The following RASGRP3 variants were observed in gnomAD, a reference collection of about 807,000 sequenced individuals.
RASGRP3 encodes the protein ras guanyl-releasing protein 3.
RASGRP3 carries 54 observed loss-of-function variants against 82.7 expected under a neutral mutation model. That is an observed-to-expected ratio of 0.65 (90% CI 0.52 to 0.82). RASGRP3 has a LOEUF of 0.82. Ranked by LOEUF, RASGRP3 falls within the 40% of genes least tolerant of loss-of-function variation. The pLI is 0.00. For synonymous variants in RASGRP3, 309 were observed against 300.5 expected, an observed-to-expected ratio of 1.03 and a Z score of -0.29; for missense variants, 861 against 828.9, an observed-to-expected ratio of 1.04 and a Z score of -0.48.
chr2:33,546,677 T>C (rs1674793212), intron 13 of RASGRP3, among the ~76,000 whole-genome samples: 1 of 152,166 alleles, frequency 6.6e-6, no homozygotes, highest in African/African-American at 2.4e-5. Flanking sequence ...ACTATTCAAA[T>C]ATCAAAGTCA....
Position 33,558,652 on chromosome 2 carries a change from C to A in RASGRP3, c.1706-20C>A. The A allele has an allele frequency of 6.4e-7, 1 of 1,560,822 alleles. No individual in the cohort carries two copies. The highest frequency in any genetic ancestry group is 8.7e-7 in the Non-Finnish European group (1 of 1,151,194). On this transcript the variant is annotated intron_variant, in intron 16 of 17. Transcript: ENST00000403687. ...CAAGCAGTCAGATGTCAAATAATCA[C>A]CACCCTTTTTCACTTCCAGCGCAGG...
At position 33,541,227 on chromosome 2, in the gene RASGRP3, C is replaced by T. The variant is rs141161059; in HGVS notation, c.1278+2017C>T. ...AATCATCAAAAATATTAAAGCATTA[C>T]ATAAATTATAGAAAATAAAAAGCTT... On this transcript the variant is annotated intron_variant, in intron 12 of 17. Transcript: ENST00000403687. Among the ~76,000 whole-genome samples the T allele has an allele frequency of 4.5e-4, 66 of 147,112 alleles. 1 individual carries two copies. The highest frequency in any genetic ancestry group is 1.5e-3 in the African/African-American group (63 of 41,244).
chr2:33,474,461 C>G (rs937978341), upstream of RASGRP3, among the ~76,000 whole-genome samples: 2 of 152,158 alleles, frequency 1.3e-5, no homozygotes, highest in African/African-American at 2.4e-5. Flanking sequence ...CACCACCACG[C>G]CCGGCTAATT....
At chr2:33,505,637 A>C (rs1265330033) in intron 1 of RASGRP3, among the ~76,000 whole-genome samples, 2 of 152,214 alleles carry the variant, frequency 1.3e-5, no homozygotes, top group Non-Finnish European at 2.9e-5. Flanking sequence ...TTGAGAGAAG[A>C]AAATATTGAT....
intron 11 of RASGRP3, 91 bp downstream of exon 11, chr2:33,534,491 A>G (rs2151055089): frequency 1.2e-6 from 1 of 852,650 alleles, no homozygotes; most frequent in East Asian, 2.7e-5. Flanking sequence ...TTTATGTTCT[A>G]AAACGGAAGA....
chr2:33,447,487 G>A (rs1665565899), intron 1 of RASGRP3, among the ~76,000 whole-genome samples: 1 of 151,562 alleles, frequency 6.6e-6, no homozygotes, highest in Non-Finnish European at 1.5e-5. Context: ...CCAGGCTGGA[G>A]TGCAGTGGTC....
intron 1 of RASGRP3, among the ~76,000 whole-genome samples, chr2:33,503,915 A>T (rs1027434986): frequency 5.9e-5 from 9 of 152,220 alleles, no homozygotes; most frequent in Non-Finnish European, 1.2e-4. Flanking sequence ...TAATAAAAAT[A>T]AAGCAGCATT....
intron 14 of RASGRP3, among the ~76,000 whole-genome samples, chr2:33,552,025 AC>A (rs869131765): frequency 2.7e-5 from 2 of 74,658 alleles, no homozygotes; most frequent in Non-Finnish European, 5.7e-5. Flanking sequence ...AAACAAACAA[AC>A]AGAGAAACAA....
At chr2:33,462,429 G>A (rs1230452471) in intron 2 of RASGRP3, among the ~76,000 whole-genome samples, 1 of 151,310 alleles carries the variant, frequency 6.6e-6, no homozygotes, top group Non-Finnish European at 1.5e-5. Context: ...GGCCAGGCTG[G>A]AGTACAGTGG....
At chr2:33,516,929 T>C (rs779648666) in intron 4 of RASGRP3, 10 of 258,342 alleles carry the variant, frequency 3.9e-5, no homozygotes, top group Admixed American at 1.1e-4. Flanking sequence ...ACATTTCTGT[T>C]ATTAGAACAA....
intron 1 of RASGRP3, among the ~76,000 whole-genome samples, chr2:33,447,383 A>G (rs549926729): frequency 1.4e-3 from 212 of 152,020 alleles, no homozygotes; most frequent in African/African-American, 4.7e-3. Flanking sequence ...AAGACAAAAC[A>G]TAGGGTAATT....
chr2:33,487,073 T>G (rs533625597), intron 1 of RASGRP3, among the ~76,000 whole-genome samples: 1 of 152,348 alleles, frequency 6.6e-6, no homozygotes, highest in South Asian at 2.1e-4. Flanking sequence ...CCTACCGATG[T>G]TCTCCCCTTC....
In RASGRP3 at chr2:33,539,115, C is replaced by T. The variant is rs1252072728; in HGVS notation, c.1183C>T (p.Pro395Ser). Residue 395 changes from proline to serine, a missense_variant, in exon 12 of 18, where the codon CCC becomes TCC. By Grantham distance (74) the Pro-to-Ser change is moderately conservative. Transcript: ENST00000403687. ...TCAGCAGCCTACCTCCCCTACGACGCCCAACAAGCCTGTGGTACCCCTGGA... is the reference window on the plus strand; with the variant it reads ...TCAGCAGCCTACCTCCCCTACGACGTCCAACAAGCCTGTGGTACCCCTGGA... ...SKSQPTSPTTPNKPVVPLEWA... is the reference protein window; with the variant it reads ...SKSQPTSPTTSNKPVVPLEWA... The T allele has an allele frequency of 5.0e-6, 8 of 1,609,430 alleles. No homozygotes were observed. The highest frequency in any genetic ancestry group is 6.8e-6 in the Non-Finnish European group (8 of 1,177,994).
chr2:33,467,148 C>T (rs191737027), intron 2 of RASGRP3, among the ~76,000 whole-genome samples: 1 of 152,196 alleles, frequency 6.6e-6, no homozygotes, highest in East Asian at 1.9e-4. Flanking sequence ...ACATGTTCCT[C>T]TTTTCTCCCA....
intron 1 of RASGRP3, among the ~76,000 whole-genome samples, chr2:33,508,823 C>CT (rs1456625271): frequency 1.3e-5 from 2 of 152,116 alleles, no homozygotes; most frequent in Non-Finnish European, 2.9e-5. Context: ...GTGTTCCTTG[C>CT]TTTTTGGGCT....
chr2:33,508,768 G>T (rs1670645803), intron 1 of RASGRP3, among the ~76,000 whole-genome samples: 1 of 152,122 alleles, frequency 6.6e-6, no homozygotes, highest in Admixed American at 6.5e-5. Context: ...TCTCCTGGAG[G>T]TATTTGTTTG....
Position 33,534,310 on chromosome 2 carries a change from A to T in RASGRP3, c.1084-13A>T, listed in dbSNP as rs773794557. The T allele has an allele frequency of 6.6e-7, 1 of 1,524,722 alleles. No individual in the cohort carries two copies. The highest frequency in any genetic ancestry group is 9.1e-7 in the Non-Finnish European group (1 of 1,102,354). The allele number at this position is 1,524,722 out of a possible 1,614,324, so 94.4% of individuals were successfully genotyped here. A position where few individuals can be genotyped will look rare whatever the true frequency, so the allele number is the denominator to read the frequency against. On this transcript the variant is annotated splice_polypyrimidine_tract_variant and intron_variant, in intron 10 of 17. Coordinates refer to ENST00000403687, the MANE Select transcript of RASGRP3 (RefSeq NM_001139488.2). ...GTAATCCGACATTTTTATCCCTTCTAATTTTGTTGTAGCTTTCCCTGGACC... is the reference window on the plus strand; with the variant it reads ...GTAATCCGACATTTTTATCCCTTCTTATTTTGTTGTAGCTTTCCCTGGACC...
chr2:33,512,536 T>G (rs1426019697), intron 2 of RASGRP3, among the ~76,000 whole-genome samples: 1 of 152,182 alleles, frequency 6.6e-6, no homozygotes, highest in African/African-American at 2.4e-5. Context: ...AAAAGGCAAG[T>G]TCTAATGATG....
At chr2:33,553,812 C>G (rs1675611491) in intron 14 of RASGRP3, among the ~76,000 whole-genome samples, 1 of 152,112 alleles carries the variant, frequency 6.6e-6, no homozygotes. Context: ...GATCTTGGCT[C>G]ACTGCAACCT....
Sources: gnomAD v4.1 joint callset for allele counts (sites outside exome capture counted in the v4.1 genomes callset) on GRCh38, gnomAD v4.1.1 for gene constraint, MANE v1.5 for transcripts, NCBI Gene and HGNC (gene_info 2026-07-23, HGNC 2026-07-21) for gene names.